Variants in PTPRM observed in about 807,000 individuals in gnomAD.
PTPRM encodes receptor-type tyrosine-protein phosphatase mu.
Under a neutral mutation model 186.7 loss-of-function variants are expected in PTPRM, and 47 were observed. The ratio of observed to expected loss-of-function variants is 0.25; its 90% CI spans 0.20 to 0.32. The LOEUF is 0.32. PTPRM is among the 10% of genes least tolerant of loss of function. The pLI is 1.00. For synonymous variants in PTPRM, 668 were observed against 674.9 expected (o/e 0.99, Z 0.16); for missense variants, 1,494 against 1,865.0 (o/e 0.80, Z 3.66).
chr18:8,211,285 C>T (rs1007998380), intron 14 of PTPRM, among the ~76,000 whole-genome samples: 1 of 150,838 alleles, frequency 6.6e-6, no homozygotes, highest in African/African-American at 2.4e-5. Context: ...TGGGGGAGAG[C>T]CCGTCTCAGT....
intron 10 of PTPRM, 91 bp downstream of exon 10, chr18:8,085,963 A>G (rs1387516041): frequency 4.9e-6 from 6 of 1,235,998 alleles, no homozygotes; most frequent in Non-Finnish European, 7.1e-6. Flanking sequence ...GCTCGCCCAC[A>G]CTAACATTGT....
chr18:7,758,803 C>G (rs1268350129), intron 1 of PTPRM, among the ~76,000 whole-genome samples: 2 of 152,116 alleles, frequency 1.3e-5, no homozygotes, highest in Non-Finnish European at 2.9e-5. Flanking sequence ...GAGATTGATA[C>G]AACTTGGTTT....
chr18:7,597,971 C>T (rs1330245074), intron 1 of PTPRM, among the ~76,000 whole-genome samples: 3 of 152,022 alleles, frequency 2.0e-5, no homozygotes, highest in Non-Finnish European at 4.4e-5. Context: ...TGCAGCGTTC[C>T]AGGCCTGAAA....
chr18:8,202,887 C>A (rs575970731), intron 14 of PTPRM, among the ~76,000 whole-genome samples: 21 of 152,292 alleles, frequency 1.4e-4, no homozygotes, highest in African/African-American at 5.1e-4. Context: ...GTGGACTGAT[C>A]TCCCTGCCAG....
chr18:7,940,088 T>C (rs115140448), intron 5 of PTPRM, among the ~76,000 whole-genome samples: 3,485 of 152,120 alleles, frequency 0.023, 49 homozygotes, highest in African/African-American at 0.045. Flanking sequence ...AGCAAAGGAA[T>C]TGGGGCTGGC....
intron 1 of PTPRM, among the ~76,000 whole-genome samples, chr18:7,693,499 A>G (rs1229671465): frequency 6.6e-6 from 1 of 152,202 alleles, no homozygotes; most frequent in Non-Finnish European, 1.5e-5. Context: ...CATATGGTAA[A>G]TTGGTAACCA....
At chr18:7,992,058 A>G (rs1238727918) in intron 7 of PTPRM, among the ~76,000 whole-genome samples, 3 of 152,170 alleles carry the variant, frequency 2.0e-5, no homozygotes. Flanking sequence ...TGACTCCATT[A>G]AGGAACAAGA....
intron 14 of PTPRM, among the ~76,000 whole-genome samples, chr18:8,191,945 A>G (rs1386349625): frequency 2.6e-5 from 4 of 152,210 alleles, no homozygotes; most frequent in African/African-American, 9.6e-5. Context: ...TTCTGAACAC[A>G]TATCATTTTC....
chr18:8,189,422 G>C (rs2093682981), intron 14 of PTPRM, among the ~76,000 whole-genome samples: 1 of 152,068 alleles, frequency 6.6e-6, no homozygotes, highest in Non-Finnish European at 1.5e-5. Flanking sequence ...GTCCTTCTCT[G>C]TCCACTCTGC....
chr18:8,106,882 T>C (rs62089553), intron 11 of PTPRM, among the ~76,000 whole-genome samples: 1,687 of 152,308 alleles, frequency 0.011, 15 homozygotes, highest in South Asian at 0.024. Flanking sequence ...CAGCACCCCC[T>C]TGGGCACAGC....
intron 13 of PTPRM, among the ~76,000 whole-genome samples, chr18:8,118,631 C>A (rs1353839744): frequency 6.6e-6 from 1 of 151,964 alleles, no homozygotes; most frequent in Non-Finnish European, 1.5e-5. Flanking sequence ...GAAACCCCGT[C>A]TCTACTAAAA....
chr18:8,076,625 G>T, intron 9 of PTPRM, 61 bp downstream of exon 9: 1 of 838,538 alleles, frequency 1.2e-6, no homozygotes, highest in Non-Finnish European at 1.9e-6. Context: ...GATAATGTAG[G>T]CTATCTAGTA....
intron 2 of PTPRM, among the ~76,000 whole-genome samples, chr18:7,857,921 A>C (rs979334981): frequency 2.0e-5 from 3 of 152,172 alleles, no homozygotes; most frequent in Non-Finnish European, 4.4e-5. Flanking sequence ...AGTAAAGCAA[A>C]GTAGAGAAAG....
At chr18:8,395,556 C>T (rs2095841538) in intron 32 of PTPRM, among the ~76,000 whole-genome samples, 1 of 152,170 alleles carries the variant, frequency 6.6e-6, no homozygotes, top group South Asian at 2.1e-4. Flanking sequence ...GAACCACTCT[C>T]CAGGGCATCC....
chr18:8,073,900 A>G (rs928799053), intron 8 of PTPRM, among the ~76,000 whole-genome samples: 1 of 152,160 alleles, frequency 6.6e-6, no homozygotes, highest in African/African-American at 2.4e-5. Context: ...GCAAGACCCT[A>G]TTTCCAAAAA....
chr18:7,849,858 C>T (rs974048198), intron 2 of PTPRM, among the ~76,000 whole-genome samples: 1 of 152,144 alleles, frequency 6.6e-6, no homozygotes, highest in African/African-American at 2.4e-5. Flanking sequence ...AACTATCTTC[C>T]AAACAGCATG....
chr18:8,109,490 A>C (rs2091666079), intron 11 of PTPRM, among the ~76,000 whole-genome samples: 1 of 152,218 alleles, frequency 6.6e-6, no homozygotes. Context: ...CCATTTAAAA[A>C]GCAGTATGTC....
intron 31 of PTPRM, among the ~76,000 whole-genome samples, chr18:8,391,185 A>C (rs2095809885): frequency 6.6e-6 from 1 of 152,158 alleles, no homozygotes; most frequent in African/African-American, 2.4e-5. Flanking sequence ...AATACTGTAC[A>C]ACCATTTGGA....
chr18:8,038,669 G>A (rs1253360716), intron 7 of PTPRM, among the ~76,000 whole-genome samples: 2 of 152,198 alleles, frequency 1.3e-5, no homozygotes, highest in East Asian at 3.9e-4. Context: ...TGGGATTACA[G>A]GCGTGAGCCA....
Sources: allele counts gnomAD v4.1 joint callset (sites outside exome capture counted in the v4.1 genomes callset), GRCh38; gene constraint gnomAD v4.1.1; transcripts MANE v1.5; gene names NCBI Gene and HGNC (gene_info 2026-07-23, HGNC 2026-07-21).